Variants in LRWD1 observed in about 807,000 individuals in gnomAD.
The protein encoded by LRWD1 is leucine rich repeats and WD repeat domain containing 1.
Under a neutral mutation model 75.6 loss-of-function variants are expected in LRWD1, and 76 were observed. That is an observed-to-expected ratio of 1.01 (90% confidence interval 0.84 to 1.22). LRWD1 has a LOEUF of 1.22. Among genes scored for constraint, LRWD1 ranks in the 50% most tolerant of loss-of-function variants. The pLI is 0.00. For missense variants in LRWD1, 917 were observed against 862.0 expected, an observed-to-expected ratio of 1.06 and a Z score of -0.80; for synonymous variants, 487 against 377.0, an observed-to-expected ratio of 1.29 and a Z score of -3.38.
At position 102,466,227 on chromosome 7, in the gene LRWD1, C is replaced by T. The variant is rs1797970818; in HGVS notation, c.389C>T (p.Thr130Ile). The change falls in exon 3 of 15, where the codon ACT becomes ATT. Residue 130 changes from threonine to isoleucine, a missense_variant. Transcript: ENST00000292616. ...GTCAATGGCAAGGATGCGTCCTCAACTTACTCTCAGGTGGAGAACCTGAAT... is the reference window on the plus strand; with the variant it reads ...GTCAATGGCAAGGATGCGTCCTCAATTTACTCTCAGGTGGAGAACCTGAAT... ...RKVNGKDASS[T>I]YSQVENLNRE... The T allele has an allele frequency of 6.2e-7, 1 of 1,614,044 alleles. No homozygotes were observed. The highest frequency in any genetic ancestry group is 1.3e-5 in the African/African-American group (1 of 74,934).
chr7:102,468,585 C>T lies in LRWD1; in HGVS notation c.951C>T (p.Gly317=), dbSNP rs757235844. Residue 317 remains glycine, a synonymous_variant, in exon 8 of 15, where the codon GGC becomes GGT. Transcript: ENST00000292616. ...GATSQTVATC[G]GEAVCVIDCQ... is the part of the protein sequence containing the mutation. The stretch of plus-strand genomic sequence containing the variant: ...CATCCCAGACCGTGGCCACGTGCGG[C>T]GGGGAGGCTGTGTGCGTAATTGATT... 15 of 1,577,570 alleles carry T rather than the reference C, an allele frequency of 9.5e-6. No individual in the cohort carries two copies. Among genetic ancestry groups the T allele is most frequent in the Middle Eastern group, 1.7e-4 (1 of 6,046 alleles).
In LRWD1 at chr7:102,467,090, TGTGTGTAGGCACCTGGGTTGTTGCTGGG is replaced by T. The variant is rs1262133497; in HGVS notation, c.433-242_433-215del. 1.3e-3 allele frequency among the ~76,000 whole-genome samples: 135 copies of T among 103,118 alleles called. 1 individual carries two copies. The highest frequency in any genetic ancestry group is 5.7e-3 in the Middle Eastern group (1 of 174). The allele number at this position is 103,118 out of a possible 152,430, so 67.6% of individuals were successfully genotyped here. A position where few individuals can be genotyped will look rare whatever the true frequency, so the allele number is the denominator to read the frequency against. On this transcript the variant is annotated intron_variant, in intron 3 of 14. Coordinates refer to ENST00000292616, the MANE Select transcript of LRWD1 (RefSeq NM_152892.3). ...TTGCTGGTGTGTGTGTGTGTGTGTGTGTGTGTAGGCACCTGGGTTGTTGCTGGGGTGTGTGTGTGTGTGTGTGTAGGCA... is the reference window on the plus strand; with the variant it reads ...TTGCTGGTGTGTGTGTGTGTGTGTGTGTGTGTGTGTGTGTGTGTGTAGGCA...
rs759851428 is a variant in LRWD1, at chr7:102,469,824, G to A, written c.1384G>A (p.Gly462Ser). 19 of 1,605,860 alleles carry A rather than the reference G, an allele frequency of 1.2e-5. No individual in the cohort carries two copies. Among genetic ancestry groups the A allele is most frequent in the Non-Finnish European group, 1.4e-5 (16 of 1,176,654 alleles). Residue 462 changes from glycine (G) to serine (S), a missense_variant, in exon 11 of 15, where the codon GGC (glycine) becomes AGC (serine). Coordinates refer to ENST00000292616, the MANE Select transcript of LRWD1 (RefSeq NM_152892.3). ...ASCPDARLLAGCEGGCCCWDV... is the reference protein window; with the variant it reads ...ASCPDARLLASCEGGCCCWDV... ...CTGCCCGGACGCCCGCCTGCTGGCC[G>A]GCTGCGAGGGCGGCTGCTGCTGCTG...
At position 102,467,114 on chromosome 7, in the gene LRWD1, C is replaced by T. The variant is rs1437795127; in HGVS notation, c.433-225C>T. On this transcript the variant is annotated intron_variant, in intron 3 of 14. Transcript: ENST00000292616. The stretch of plus-strand genomic sequence containing the variant: ...GTGTGTGTAGGCACCTGGGTTGTTG[C>T]TGGGGTGTGTGTGTGTGTGTGTGTA... Among the ~76,000 whole-genome samples, 3 of 65,480 alleles carry T rather than the reference C, an allele frequency of 4.6e-5. No homozygotes were observed. The East Asian group carries it at 2.3e-3, about 49-fold the overall frequency. The allele number at this position is 65,480 out of a possible 152,430, so 43.0% of individuals were successfully genotyped here.
Position 102,468,058 on chromosome 7 carries a change from A to C in LRWD1, c.679-4A>C. 6.2e-7 allele frequency: 1 copy of C among 1,607,096 alleles called. No homozygotes were observed. The highest frequency in any genetic ancestry group is 8.5e-7 in the Non-Finnish European group (1 of 1,179,330). ...GGCCCATGGTCACAAGGCCCCCTCCACAGGCCAGACTGGCGGCCTTGAAAC... is the reference window on the plus strand; with the variant it reads ...GGCCCATGGTCACAAGGCCCCCTCCCCAGGCCAGACTGGCGGCCTTGAAAC... On this transcript the variant is annotated splice_region_variant and splice_polypyrimidine_tract_variant and intron_variant, in intron 5 of 14. Transcript: ENST00000292616.
rs371074849 is a variant in LRWD1, at chr7:102,468,625, G to A, written c.991G>A (p.Val331Met). ...CGTAATTGATTGCCAGACGGGCATC[G>A]TGCTCCACAAGTACAAGGCACCCGG... ...VCVIDCQTGIVLHKYKAPGEE... is the reference protein window; with the variant it reads ...VCVIDCQTGIMLHKYKAPGEE... Residue 331 changes from valine (V) to methionine (M), a missense_variant, in exon 8 of 15, where the codon GTG (valine) becomes ATG (methionine). Transcript: ENST00000292616. 1.5e-5 allele frequency: 24 copies of A among 1,575,018 alleles called. No homozygotes were observed. Among genetic ancestry groups the A allele is most frequent in the South Asian group, 3.5e-5 (3 of 85,922 alleles).
chr7:102,469,976 TAAC>T, intron 11 of LRWD1, 94 bp downstream of exon 11: 3 of 1,395,242 alleles, frequency 2.2e-6, no homozygotes, highest in Non-Finnish European at 2.8e-6. Context: ...CACACCCGGG[TAAC>T]CATAAGGGTT....
In LRWD1 at chr7:102,472,484, G is replaced by A; in HGVS notation, c.1565G>A (p.Cys522Tyr). ...AAGGGGAGCGGCCTGGGCACCATCT[G>A]CCTGTGGAGCTGGAGGCAGACGTGG... ...ASKGSGLGTICLWSWRQTWGG... is the reference protein window; with the variant it reads ...ASKGSGLGTIYLWSWRQTWGG... Residue 522 changes from cysteine to tyrosine, a missense_variant, in exon 13 of 15, where the codon TGC becomes TAC. Physicochemically the swap from Cys to Tyr is radical, Grantham distance 194. Transcript: ENST00000292616. 2 of 1,542,454 alleles carry A rather than the reference G, an allele frequency of 1.3e-6. No individual in the cohort carries two copies. Among genetic ancestry groups the A allele is most frequent in the Non-Finnish European group, 1.7e-6 (2 of 1,142,998 alleles).
rs974931143 is a variant in LRWD1, at chr7:102,467,909, G to T, written c.678+86G>T. ...GGAGACCAAGGCGTCCTGGGCATGT[G>T]CCCAGGAAGCACCCCAGGTCCTGGC... On this transcript the variant is annotated intron_variant, in intron 5 of 14. Coordinates refer to ENST00000292616, the MANE Select transcript of LRWD1 (RefSeq NM_152892.3). 2.0e-6 allele frequency: 3 copies of T among 1,503,160 alleles called. No homozygotes were observed. In the Admixed American group the frequency reaches 6.7e-5, roughly 34 times the overall value. The allele number at this position is 1,503,160 out of a possible 1,614,324, so 93.1% of individuals were successfully genotyped here. A position where few individuals can be genotyped will look rare whatever the true frequency, so the allele number is the denominator to read the frequency against.
rs909635622 is a variant in LRWD1, at chr7:102,469,156, C to A, written c.1228+94C>A. 8.4e-6 allele frequency: 10 copies of A among 1,196,936 alleles called. No homozygotes were observed. In the Admixed American group the frequency reaches 2.7e-4, roughly 33 times the overall value. The allele number at this position is 1,196,936 out of a possible 1,614,324, so 74.1% of individuals were successfully genotyped here. ...CTCCCCTCCCTGGGATGGCTGTGAG[C>A]TCGGGCGCCTGCCGGGCCCCAGTCT... On this transcript the variant is annotated intron_variant, in intron 9 of 14. Coordinates refer to ENST00000292616, the MANE Select transcript of LRWD1 (RefSeq NM_152892.3).
rs1797932813 is a variant in LRWD1, at chr7:102,465,488, G to GTTTTTTTT, written c.80+328_81-328insTTTTTTTT. On this transcript the variant is annotated intron_variant, in intron 1 of 14. Transcript: ENST00000292616. ...GCCCCCGAGTCCTAAAGTAGTTGCA[G>GTTTTTTTT]CTTTTTTTTTTTTTTTTTTTTTTTT... 4.5e-4 allele frequency: 49 copies of GTTTTTTTT among 108,044 alleles called. 9 individuals are homozygous for GTTTTTTTT. Among genetic ancestry groups the GTTTTTTTT allele is most frequent in the African/African-American group, 2.4e-3 (48 of 19,954 alleles). 6.7% of individuals were successfully genotyped at this position (108,044 alleles called of 1,614,324 possible). A position where few individuals can be genotyped will look rare whatever the true frequency, so the allele number is the denominator to read the frequency against.
Position 102,472,469 on chromosome 7 carries a change from G to A in LRWD1, c.1550G>A (p.Gly517Asp). The change falls in exon 13 of 15, where the codon GGC (glycine) becomes GAC (aspartate). Residue 517 changes from glycine (G) to aspartate (D), a missense_variant. Gly to Asp is a moderately conservative substitution (Grantham distance 94). Coordinates refer to ENST00000292616, the MANE Select transcript of LRWD1 (RefSeq NM_152892.3). The stretch of plus-strand genomic sequence containing the variant: ...TCCCCCACAGCCTCCAAGGGGAGCG[G>A]CCTGGGCACCATCTGCCTGTGGAGC... ...NEDIVASKGS[G>D]LGTICLWSWR... 19 of 1,537,338 alleles carry A rather than the reference G, an allele frequency of 1.2e-5. No individual in the cohort carries two copies. The highest frequency in any genetic ancestry group is 1.7e-5 in the Non-Finnish European group (19 of 1,139,538).
chr7:102,473,110 T>TTG lies in LRWD1; in HGVS notation c.*61_*62insTG. 3 of 1,192,788 alleles carry TTG rather than the reference T, an allele frequency of 2.5e-6. No individual in the cohort carries two copies. The highest frequency in any genetic ancestry group is 3.4e-6 in the Non-Finnish European group (3 of 871,902). The allele number at this position is 1,192,788 out of a possible 1,614,324, so 73.9% of individuals were successfully genotyped here. ...ACTAACTTATTCAGCTTTGGGCCGA[T>TTG]GGGGGTGGGGGGGGGTCTTTCAGTG... On this transcript the variant is annotated 3_prime_UTR_variant, in exon 15 of 15. Coordinates refer to ENST00000292616, the MANE Select transcript of LRWD1 (RefSeq NM_152892.3).
chr7:102,473,098 G>A lies in LRWD1; in HGVS notation c.*49G>A, dbSNP rs1254996444. On this transcript the variant is annotated 3_prime_UTR_variant, in exon 15 of 15. Coordinates refer to ENST00000292616, the MANE Select transcript of LRWD1 (RefSeq NM_152892.3). ...GGGACACAGCTAACTAACTTATTCAGCTTTGGGCCGATGGGGGTGGGGGGG... is the reference window on the plus strand; with the variant it reads ...GGGACACAGCTAACTAACTTATTCAACTTTGGGCCGATGGGGGTGGGGGGG... 4 of 1,501,980 alleles carry A rather than the reference G, an allele frequency of 2.7e-6. No individual in the cohort carries two copies. The African/African-American group carries it at 4.4e-5, about 17-fold the overall frequency. The allele number at this position is 1,501,980 out of a possible 1,614,324, so 93.0% of individuals were successfully genotyped here.
chr7:102,467,679 G>A, intron 4 of LRWD1, 40 bp from the exon 5 acceptor site: 2 of 1,542,586 alleles, frequency 1.3e-6, no homozygotes, highest in Non-Finnish European at 1.8e-6. Flanking sequence ...GGGGGCACCT[G>A]GGACTCTGCC....
At position 102,465,119 on chromosome 7, in the gene LRWD1, G is replaced by A. The variant is rs79978502; in HGVS notation, c.39G>A (p.Gly13=). The A allele has an allele frequency of 0.068, 102,538 of 1,514,508 alleles. 3,768 individuals are homozygous for A. The highest frequency in any genetic ancestry group is 0.074 in the Non-Finnish European group (84,564 of 1,135,204). The allele number at this position is 1,514,508 out of a possible 1,614,324, so 93.8% of individuals were successfully genotyped here. A position where few individuals can be genotyped will look rare whatever the true frequency, so the allele number is the denominator to read the frequency against. The change falls in exon 1 of 15, where the codon GGG becomes GGA. Residue 13 remains glycine (G), a synonymous_variant. Transcript: ENST00000292616. ...PLSARLLMQR[G]RPKSDRLGKI... is the part of the protein sequence containing the mutation. ...CGGCGCGGCTGCTAATGCAGCGCGG[G>A]CGCCCCAAGAGCGACCGGCTGGGGA... is the stretch of plus-strand genomic sequence containing the variant.
In LRWD1 at chr7:102,469,562, C is replaced by A. The variant is rs370808332; in HGVS notation, c.1229-12C>A. The A allele has an allele frequency of 9.9e-6, 16 of 1,613,918 alleles. No individual in the cohort carries two copies. The highest frequency in any genetic ancestry group is 1.6e-4 in the Middle Eastern group (1 of 6,082). On this transcript the variant is annotated splice_polypyrimidine_tract_variant and intron_variant, in intron 9 of 14. Transcript: ENST00000292616. The stretch of plus-strand genomic sequence containing the variant: ...TCAGGGCCACTTCTCCCCTACCCCA[C>A]CCCCTCTTCAGCGGCCTCCTATGAC...
At chr7:102,466,542 G>T (rs1216886197) in intron 3 of LRWD1, among the ~76,000 whole-genome samples, 2 of 152,062 alleles carry the variant, frequency 1.3e-5, no homozygotes, top group Admixed American at 6.6e-5. Context: ...AGCCTCCCGA[G>T]TAACTAGGAT....
chr7:102,472,837 C>CA, intron 14 of LRWD1, 33 bp downstream of exon 14: 1 of 1,612,226 alleles, frequency 6.2e-7, no homozygotes, highest in Non-Finnish European at 8.5e-7. Flanking sequence ...CAGGCTTGGG[C>CA]TGGCAAGGCA....
Sources: allele counts gnomAD v4.1 joint callset (sites outside exome capture counted in the v4.1 genomes callset), GRCh38; gene constraint gnomAD v4.1.1; transcripts MANE v1.5; gene names NCBI Gene and HGNC (gene_info 2026-07-23, HGNC 2026-07-21).